ROBO1: variants seen among roughly 807,000 people sequenced by gnomAD.
ROBO1 encodes roundabout homolog 1.
A neutral mutation model predicts 195.9 loss-of-function variants in ROBO1; 149 were observed. The observed-to-expected ratio is 0.76, with a 90% confidence interval of 0.67 to 0.87. ROBO1 has a LOEUF of 0.87. Among genes scored for constraint, ROBO1 ranks in the 40% least tolerant of loss-of-function variants. The pLI, the probability that ROBO1 is intolerant of heterozygous loss-of-function variation, is 0.00. For synonymous variants in ROBO1, 816 were observed against 733.2 expected, an observed-to-expected ratio of 1.11 and a Z score of -1.82; for missense variants, 1,933 against 2,068.3, an observed-to-expected ratio of 0.93 and a Z score of 1.27.
chr3:78,932,335 C>A (rs1156362774), intron 4 of ROBO1, among the ~76,000 whole-genome samples: 1 of 152,128 alleles, frequency 6.6e-6, no homozygotes, highest in African/African-American at 2.4e-5. Context: ...GGCTTTATAT[C>A]TAAGTATCAA....
chr3:79,452,434 C>A (rs527436059), intron 2 of ROBO1, among the ~76,000 whole-genome samples: 206 of 152,150 alleles, frequency 1.4e-3, no homozygotes, highest in Non-Finnish European at 2.5e-3. Flanking sequence ...ACTCTCAGGG[C>A]ATAAGATATC....
intron 2 of ROBO1, among the ~76,000 whole-genome samples, chr3:79,395,619 T>C (rs2037128610): frequency 6.6e-6 from 1 of 152,110 alleles, no homozygotes; most frequent in South Asian, 2.1e-4. Context: ...AGTATCTATG[T>C]GTATTTACTT....
chr3:79,207,502 T>G (rs1475920231), intron 2 of ROBO1, among the ~76,000 whole-genome samples: 1 of 152,178 alleles, frequency 6.6e-6, no homozygotes, highest in Non-Finnish European at 1.5e-5. Flanking sequence ...ATGACTCACA[T>G]TCTTTCTTCC....
chr3:79,197,082 C>T (rs2081651246), intron 2 of ROBO1, among the ~76,000 whole-genome samples: 1 of 151,658 alleles, frequency 6.6e-6, no homozygotes, highest in African/African-American at 2.4e-5. Flanking sequence ...TTAAGTTCTG[C>T]ACAACATTCA....
At chr3:79,509,676 G>T (rs530240880) in intron 2 of ROBO1, among the ~76,000 whole-genome samples, 1 of 152,108 alleles carries the variant, frequency 6.6e-6, no homozygotes. Context: ...CTTAACACAA[G>T]CTGGATGTGT....
intron 2 of ROBO1, among the ~76,000 whole-genome samples, chr3:79,373,814 T>C (rs2036287531): frequency 6.6e-6 from 1 of 152,118 alleles, no homozygotes; most frequent in Admixed American, 6.6e-5. Context: ...CAATAAAAGC[T>C]CCCAAATGCA....
At chr3:79,040,060 A>G (rs1018167588) in intron 3 of ROBO1, among the ~76,000 whole-genome samples, 2 of 152,158 alleles carry the variant, frequency 1.3e-5, no homozygotes, top group African/African-American at 4.8e-5. Flanking sequence ...GATATTAATA[A>G]CAAGTTACAA....
chr3:78,783,167 C>A (rs370353856), intron 4 of ROBO1, among the ~76,000 whole-genome samples: 4 of 152,236 alleles, frequency 2.6e-5, no homozygotes, highest in Admixed American at 6.5e-5. Flanking sequence ...GAAGTCTGGG[C>A]TTTTAGTGTA....
At chr3:78,673,681 G>A (rs79575235) in intron 10 of ROBO1, among the ~76,000 whole-genome samples, 2,356 of 142,536 alleles carry the variant, frequency 0.017, 57 homozygotes, top group African/African-American at 0.054. Flanking sequence ...TTCAAAACCC[G>A]TCCAAAATAA....
At chr3:79,394,506 A>C (rs1351109425) in intron 2 of ROBO1, among the ~76,000 whole-genome samples, 2 of 152,014 alleles carry the variant, frequency 1.3e-5, no homozygotes, top group African/African-American at 2.4e-5. Flanking sequence ...GGCAAGTGGA[A>C]AACAGTAACA....
chr3:79,514,488 A>G (rs1940857755), intron 2 of ROBO1, among the ~76,000 whole-genome samples: 1 of 151,392 alleles, frequency 6.6e-6, no homozygotes, highest in Admixed American at 6.6e-5. Flanking sequence ...AAAACTTAAA[A>G]CCTTTGGGCT....
intron 1 of ROBO1, among the ~76,000 whole-genome samples, chr3:79,622,232 C>T (rs1307715163): frequency 6.6e-6 from 1 of 152,196 alleles, no homozygotes; most frequent in Non-Finnish European, 1.5e-5. Flanking sequence ...TGAACCCACT[C>T]CACCAGAGCC....
In ROBO1 at chr3:78,993,998, A is replaced by C. The variant is rs574478575; in HGVS notation, c.173-55071T>G. ...TTACTAGATACCAGCTTTAAAAAAA[A>C]AAATGACTAGGATGTTATAGTTCCC... is the stretch of plus-strand genomic sequence containing the variant. On this transcript the variant is annotated intron_variant, in intron 3 of 30. Transcript: ENST00000464233. Among the ~76,000 whole-genome samples the C allele has an allele frequency of 2.0e-5, 3 of 152,274 alleles. No individual in the cohort carries two copies. In the South Asian group the frequency reaches 6.2e-4, roughly 32 times the overall value.
chr3:79,257,261 A>T (rs1260087808), intron 2 of ROBO1, among the ~76,000 whole-genome samples: 3 of 152,158 alleles, frequency 2.0e-5, no homozygotes, highest in South Asian at 4.1e-4. Flanking sequence ...ACTGATTTTG[A>T]TTAAATCTAG....
intron 2 of ROBO1, among the ~76,000 whole-genome samples, chr3:79,353,347 T>C (rs992038623): frequency 2.6e-5 from 4 of 151,592 alleles, no homozygotes; most frequent in Non-Finnish European, 5.9e-5. Flanking sequence ...ATAATTCTGA[T>C]TGAATGAGAA....
chr3:78,676,316 G>A (rs1708421818), intron 10 of ROBO1, among the ~76,000 whole-genome samples: 1 of 152,204 alleles, frequency 6.6e-6, no homozygotes, highest in South Asian at 2.1e-4. Context: ...ACGGAACAAA[G>A]CTGGATGGAG....
chr3:79,044,534 T>C (rs1193727426), intron 3 of ROBO1, among the ~76,000 whole-genome samples: 1 of 152,090 alleles, frequency 6.6e-6, no homozygotes, highest in Non-Finnish European at 1.5e-5. Context: ...TCAGAGATAA[T>C]TTACCAACCA....
intron 1 of ROBO1, among the ~76,000 whole-genome samples, chr3:79,731,104 G>A (rs1216674005): frequency 2.0e-5 from 3 of 152,008 alleles, no homozygotes; most frequent in African/African-American, 7.2e-5. Context: ...TTAAAATAAC[G>A]GTGATAGTCC....
intron 2 of ROBO1, among the ~76,000 whole-genome samples, chr3:79,207,272 A>G (rs542611611): frequency 5.3e-5 from 8 of 152,338 alleles, no homozygotes; most frequent in African/African-American, 1.7e-4. Flanking sequence ...TTCCAAAATC[A>G]TTAGTAGAAG....
Sources: allele counts gnomAD v4.1 joint callset (sites outside exome capture counted in the v4.1 genomes callset), GRCh38; gene constraint gnomAD v4.1.1; transcripts MANE v1.5; gene names NCBI Gene and HGNC (gene_info 2026-07-23, HGNC 2026-07-21).